Variants in GABRP observed in about 807,000 individuals in gnomAD.
The protein encoded by GABRP is gamma-aminobutyric acid type A receptor subunit pi, also known as gamma-aminobutyric acid receptor subunit pi.
A neutral mutation model predicts 47.8 loss-of-function variants in GABRP; 52 were observed. That is an observed-to-expected ratio of 1.09 (90% CI 0.87 to 1.37). The LOEUF (loss-of-function observed/expected upper bound fraction) is 1.37. Among genes scored for constraint, GABRP ranks in the 40% most tolerant of loss-of-function variants. The pLI is 0.00. For synonymous variants in GABRP, 221 were observed against 205.8 expected, an observed-to-expected ratio of 1.07 and a Z score of -0.63; for missense variants, 525 against 542.8, an observed-to-expected ratio of 0.97 and a Z score of 0.33.
At chr5:170,794,337 T>A in intron 4 of GABRP, 39 bp downstream of exon 4, 30 of 1,027,274 alleles carry the variant, frequency 2.9e-5, no homozygotes, top group Non-Finnish European at 4.4e-5. Flanking sequence ...AAGTAGTCCC[T>A]CTCTGTGTGT....
Position 170,790,324 on chromosome 5 carries a change from G to T in GABRP, c.172+1077G>T, listed in dbSNP as rs553875551. 3.3e-5 allele frequency among the ~76,000 whole-genome samples: 5 copies of T among 152,062 alleles called. 1 individual carries two copies. The highest frequency in any genetic ancestry group is 1.2e-4 in the African/African-American group (5 of 41,404). ...CCTCACTGTCCCTTTCTGTAAAATG[G>T]GGACATCCATCTATCTCACAGGGAA... is the stretch of plus-strand genomic sequence containing the variant. On this transcript the variant is annotated intron_variant, in intron 3 of 9. Transcript: ENST00000265294.
rs1340541308 is a variant in GABRP, at chr5:170,804,871, A to T, written c.542-845A>T. On this transcript the variant is annotated intron_variant, in intron 6 of 9. Transcript: ENST00000265294. ...TTTTCAAGAATAATGTGGGAAAATC[A>T]TTATAGTGACTGAGTTCTATGGAAC... is the stretch of plus-strand genomic sequence containing the variant. Among the ~76,000 whole-genome samples, 3 of 151,644 alleles carry T rather than the reference A, an allele frequency of 2.0e-5. No homozygotes were observed. In the East Asian group the frequency reaches 5.8e-4, roughly 29 times the overall value.
intron 3 of GABRP, among the ~76,000 whole-genome samples, chr5:170,793,660 T>C (rs1163614292): frequency 6.6e-6 from 1 of 152,236 alleles, no homozygotes; most frequent in Non-Finnish European, 1.5e-5. Context: ...GTTACCTTTC[T>C]AAACAATTAG....
chr5:170,805,878 A>T, intron 7 of GABRP, 25 bp downstream of exon 7: 1 of 1,611,004 alleles, frequency 6.2e-7, no homozygotes, highest in Non-Finnish European at 8.5e-7. Flanking sequence ...AAACTGTATG[A>T]AATAAAAATA....
intron 8 of GABRP, among the ~76,000 whole-genome samples, chr5:170,809,180 G>A (rs771970477): frequency 2.0e-5 from 3 of 152,210 alleles, no homozygotes; most frequent in Non-Finnish European, 4.4e-5. Flanking sequence ...CAAGTGATCT[G>A]CCCACCTTGG....
At chr5:170,796,077 T>C (rs1364024591) in intron 5 of GABRP, among the ~76,000 whole-genome samples, 4 of 152,212 alleles carry the variant, frequency 2.6e-5, no homozygotes, top group African/African-American at 9.6e-5. Context: ...CATCCCTGCC[T>C]GTGCAAGGAC....
chr5:170,788,581 C>G lies in GABRP; in HGVS notation c.-35C>G. ...TTGCCCCCTGTTTCCCAGGTGATTCCTACTTCAGCCCCTTGGTGTGAGCAG... is the reference window on the plus strand; with the variant it reads ...TTGCCCCCTGTTTCCCAGGTGATTCGTACTTCAGCCCCTTGGTGTGAGCAG... On this transcript the variant is annotated 5_prime_UTR_variant, in exon 2 of 10. Transcript: ENST00000265294. 1 of 1,612,756 alleles carries G rather than the reference C, an allele frequency of 6.2e-7. No homozygotes were observed. The highest frequency in any genetic ancestry group is 8.5e-7 in the Non-Finnish European group (1 of 1,178,838).
chr5:170,793,886 C>T (rs537025465), intron 3 of GABRP, among the ~76,000 whole-genome samples: 18 of 152,118 alleles, frequency 1.2e-4, no homozygotes, highest in African/African-American at 4.1e-4. Flanking sequence ...GAGCCGAGAT[C>T]GTGCTATTAT....
chr5:170,789,323 A>T (rs1176902179), intron 3 of GABRP, 76 bp downstream of exon 3: 3 of 902,416 alleles, frequency 3.3e-6, no homozygotes, highest in Middle Eastern at 2.2e-4. Context: ...GGGTTTCGGG[A>T]GGTTTTAGTT....
rs768934595 is a variant in GABRP, at chr5:170,809,581, G to A, written c.846G>A (p.Val282=). 1.9e-6 allele frequency: 3 copies of A among 1,613,994 alleles called. No individual in the cohort carries two copies. Among genetic ancestry groups the A allele is most frequent in the Non-Finnish European group, 1.7e-6 (2 of 1,180,008 alleles). ...PARTCIGVTT[V]LSMTTLMIGS... Reference sequence around the variant, plus strand: ...CTGTTTTCCCAGGAGTGACGACCGTGTTATCAATGACCACACTGATGATCG... The same window carrying A: ...CTGTTTTCCCAGGAGTGACGACCGTATTATCAATGACCACACTGATGATCG... Residue 282 remains valine (V), a synonymous_variant, in exon 9 of 10, where the codon GTG becomes GTA. Coordinates refer to ENST00000265294, the MANE Select transcript of GABRP (RefSeq NM_014211.3).
At chr5:170,806,556 C>T (rs546615881) in intron 7 of GABRP, among the ~76,000 whole-genome samples, 1 of 152,278 alleles carries the variant, frequency 6.6e-6, no homozygotes, top group South Asian at 2.1e-4. Flanking sequence ...GACTCTTGTG[C>T]CTCAGCCTCC....
chr5:170,790,363 G>C (rs1383516416), intron 3 of GABRP, among the ~76,000 whole-genome samples: 1 of 152,128 alleles, frequency 6.6e-6, no homozygotes, highest in Non-Finnish European at 1.5e-5. Context: ...TGAATGAAGT[G>C]TGTAAGCCTG....
intron 1 of GABRP, 89 bp from the exon 2 acceptor site, chr5:170,788,485 G>A: frequency 3.6e-6 from 3 of 829,242 alleles, no homozygotes; most frequent in Non-Finnish European, 2.1e-6. Flanking sequence ...AGAAAATGCT[G>A]TACCGACCAC....
intron 6 of GABRP, among the ~76,000 whole-genome samples, chr5:170,801,944 G>A (rs993247427): frequency 1.2e-4 from 19 of 152,120 alleles, no homozygotes; most frequent in Admixed American, 3.3e-4. Context: ...ACAAGGAGTG[G>A]GACTCAGAAT....
rs1311460453 is a variant in GABRP, at chr5:170,811,972, TAGA to T, written c.1043_1045del (p.Glu348del). 7.4e-6 allele frequency: 12 copies of T among 1,613,710 alleles called. No homozygotes were observed. The highest frequency in any genetic ancestry group is 3.3e-4 in the Middle Eastern group (2 of 6,056). On this transcript the variant is annotated inframe_deletion, in exon 10 of 10. Transcript: ENST00000265294. ...ATGAACTAGGGGACAACAAAGGAAGTAGAAGAAGTCAGTATTACTAATATCATC... is the reference window on the plus strand; with the variant it reads ...ATGAACTAGGGGACAACAAAGGAAGTAGAAGTCAGTATTACTAATATCATC...
At position 170,805,891 on chromosome 5, in the gene GABRP, T is replaced by C. The variant is rs376679605; in HGVS notation, c.679+38T>C. 3 of 1,606,392 alleles carry C rather than the reference T, an allele frequency of 1.9e-6. No homozygotes were observed. In the African/African-American group the frequency reaches 4.0e-5, roughly 21 times the overall value. Reference sequence around the variant, plus strand: ...ACAAACTGTATGAAATAAAAATAAGTGAACTGAGGTGTAGGGTTGCTCTCT... The same window carrying C: ...ACAAACTGTATGAAATAAAAATAAGCGAACTGAGGTGTAGGGTTGCTCTCT... On this transcript the variant is annotated intron_variant, in intron 7 of 9. Coordinates refer to ENST00000265294, the MANE Select transcript of GABRP (RefSeq NM_014211.3).
At chr5:170,804,173 T>G (rs1303709590) in intron 6 of GABRP, among the ~76,000 whole-genome samples, 2 of 85,514 alleles carry the variant, frequency 2.3e-5, no homozygotes, top group Non-Finnish European at 4.2e-5. Context: ...CTGAGTAGTA[T>G]TTCTTTGTAT....
At chr5:170,807,760 T>C (rs886913558) in intron 7 of GABRP, among the ~76,000 whole-genome samples, 11 of 152,284 alleles carry the variant, frequency 7.2e-5, no homozygotes, top group African/African-American at 2.6e-4. Flanking sequence ...TATCCAGGCA[T>C]ATGTCTGTTG....
At position 170,808,641 on chromosome 5, in the gene GABRP, A is replaced by C. The variant is rs1252089668; in HGVS notation, c.721A>C (p.Asn241His). ...RLVLQFELRR[N>H]VLYFILETYV... ...GGTCTTACAGTTTGAGCTTCGGAGG[A>C]ATGTTCTGTATTTCATTTTGGAAAC... is the stretch of plus-strand genomic sequence containing the variant. Residue 241 changes from asparagine (N) to histidine (H), a missense_variant, in exon 8 of 10, where the codon AAT becomes CAT. Coordinates refer to ENST00000265294, the MANE Select transcript of GABRP (RefSeq NM_014211.3). 6.2e-7 allele frequency: 1 copy of C among 1,613,830 alleles called. No individual in the cohort carries two copies. The highest frequency in any genetic ancestry group is 8.5e-7 in the Non-Finnish European group (1 of 1,179,932).
Sources: gnomAD v4.1 joint callset for allele counts (sites outside exome capture counted in the v4.1 genomes callset) on GRCh38, gnomAD v4.1.1 for gene constraint, MANE v1.5 for transcripts, NCBI Gene and HGNC (gene_info 2026-07-23, HGNC 2026-07-21) for gene names.